The following ATG4C variants were observed in gnomAD, a reference collection of about 807,000 sequenced individuals.
ATG4C encodes the protein cysteine protease ATG4C.
In ATG4C, 56 loss-of-function variants were observed where a neutral mutation model predicts 57.6. The ratio of observed to expected loss-of-function variants is 0.97; its 90% CI spans 0.78 to 1.21. ATG4C has a LOEUF of 1.21. Ranked by LOEUF, ATG4C falls within the 50% of genes most tolerant of loss-of-function variation. The probability of loss-of-function intolerance (pLI) is 0.00; values close to 1 mark genes in which losing one functional copy is unlikely to be tolerated. For synonymous variants in ATG4C, 157 were observed against 174.1 expected, an observed-to-expected ratio of 0.90 and a Z score of 0.78; for missense variants, 595 against 529.8, an observed-to-expected ratio of 1.12 and a Z score of -1.21.
intron 3 of ATG4C, among the ~76,000 whole-genome samples, chr1:62,808,932 T>A (rs551298852): frequency 6.6e-6 from 1 of 151,884 alleles, no homozygotes; most frequent in Non-Finnish European, 1.5e-5. Flanking sequence ...AGAGAAAAAC[T>A]TATTTTTTAG....
intron 1 of ATG4C, among the ~76,000 whole-genome samples, chr1:62,793,563 C>G (rs1245775525): frequency 7.6e-6 from 1 of 131,964 alleles, no homozygotes; most frequent in Non-Finnish European, 1.6e-5. Flanking sequence ...TGGCACTGCA[C>G]TCCAGCCTGG....
chr1:62,825,118 C>T (rs1665605421), intron 6 of ATG4C, among the ~76,000 whole-genome samples: 1 of 151,896 alleles, frequency 6.6e-6, no homozygotes, highest in South Asian at 2.1e-4. Context: ...TATCTGTAGT[C>T]CCAGCTACTC....
At position 62,807,131 on chromosome 1, in the gene ATG4C, A is replaced by G. The variant is rs1664907485; in HGVS notation, c.160+1876A>G. ...TGCCCAGAAGGAGCACATCAAAATA[A>G]TAACTGAATATATGCTTGTGAAATC... On this transcript the variant is annotated intron_variant, in intron 3 of 10. Coordinates refer to ENST00000317868, the MANE Select transcript of ATG4C (RefSeq NM_032852.4). Among the ~76,000 whole-genome samples the G allele has an allele frequency of 3.3e-5, 5 of 152,362 alleles. No homozygotes were observed. In the South Asian group the frequency reaches 8.3e-4, roughly 25 times the overall value.
chr1:62,840,250 G>A (rs1666127674), intron 9 of ATG4C, among the ~76,000 whole-genome samples: 1 of 152,012 alleles, frequency 6.6e-6, no homozygotes, highest in South Asian at 2.1e-4. Flanking sequence ...AAAACTTCTG[G>A]GCTCAAGCAG....
chr1:62,844,900 A>G (rs1040907695), intron 10 of ATG4C, among the ~76,000 whole-genome samples: 2 of 152,106 alleles, frequency 1.3e-5, no homozygotes, highest in African/African-American at 4.8e-5. Context: ...GTAACCGTAC[A>G]TGTTGATCTA....
chr1:62,864,200 A>G lies in ATG4C; in HGVS notation c.*41A>G, dbSNP rs1239179270. The stretch of plus-strand genomic sequence containing the variant: ...TGCTTGATAAGAAGAATTCCATTGA[A>G]AGGGGAAAAATGAAGAGAAACAAGT... On this transcript the variant is annotated 3_prime_UTR_variant, in exon 11 of 11. Transcript: ENST00000317868. 6.6e-7 allele frequency: 1 copy of G among 1,508,366 alleles called. No homozygotes were observed. Among genetic ancestry groups the G allele is most frequent in the South Asian group, 1.3e-5 (1 of 78,394 alleles). The allele number at this position is 1,508,366 out of a possible 1,614,324, so 93.4% of individuals were successfully genotyped here. A position where few individuals can be genotyped will look rare whatever the true frequency, so the allele number is the denominator to read the frequency against.
At chr1:62,785,180 T>C (rs1310471627) in intron 1 of ATG4C, 2 of 152,262 alleles carry the variant, frequency 1.3e-5, no homozygotes, top group Non-Finnish European at 2.9e-5. Flanking sequence ...GACAAGGGAA[T>C]GATCTTCTTG....
At chr1:62,824,065 A>G (rs1210564904) in intron 6 of ATG4C, among the ~76,000 whole-genome samples, 1 of 152,174 alleles carries the variant, frequency 6.6e-6, no homozygotes, top group African/African-American at 2.4e-5. Flanking sequence ...AGGTATCAGA[A>G]TCATTTGGTT....
chr1:62,841,520 C>T lies in ATG4C; in HGVS notation c.1182C>T (p.Phe394=), dbSNP rs750119001. 20 of 1,593,382 alleles carry T rather than the reference C, an allele frequency of 1.3e-5. No homozygotes were observed. Among genetic ancestry groups the T allele is most frequent in the Non-Finnish European group, 1.5e-5 (17 of 1,169,658 alleles). Residue 394 remains phenylalanine, a synonymous_variant, in exon 10 of 11, where the codon TTC becomes TTT. Coordinates refer to ENST00000317868, the MANE Select transcript of ATG4C (RefSeq NM_032852.4). ...TTTACTGTCGAAATGTTCAGGACTT[C>T]AAACGAGCTTCTGAAGAAATCACCA... ...IGFYCRNVQD[F]KRASEEITKM...
intron 1 of ATG4C, among the ~76,000 whole-genome samples, chr1:62,792,572 A>G (rs1313671805): frequency 6.6e-6 from 1 of 152,252 alleles, no homozygotes; most frequent in Non-Finnish European, 1.5e-5. Flanking sequence ...CTAGTTGTTT[A>G]AAATTAGCAG....
intron 1 of ATG4C, among the ~76,000 whole-genome samples, chr1:62,800,290 A>T (rs74078303): frequency 0.02 from 3,097 of 152,264 alleles, 108 homozygotes; most frequent in African/African-American, 0.071. Flanking sequence ...TTTAAAAATA[A>T]TTTTTTTAAA....
intron 9 of ATG4C, among the ~76,000 whole-genome samples, chr1:62,840,834 A>G (rs1330111565): frequency 6.6e-6 from 1 of 152,188 alleles, no homozygotes; most frequent in African/African-American, 2.4e-5. Flanking sequence ...GAATGGTTTC[A>G]CCTGTTCCAG....
chr1:62,844,522 G>A (rs1401332778), intron 10 of ATG4C, among the ~76,000 whole-genome samples: 1 of 152,130 alleles, frequency 6.6e-6, no homozygotes, highest in Non-Finnish European at 1.5e-5. Context: ...ATACTATGGA[G>A]AGTCTTGAAT....
intron 6 of ATG4C, among the ~76,000 whole-genome samples, chr1:62,821,455 G>A (rs557229180): frequency 3.9e-5 from 6 of 152,184 alleles, no homozygotes; most frequent in South Asian, 2.1e-4. Flanking sequence ...TACTTTAAAA[G>A]TGATAGGCAG....
chr1:62,789,831 A>C (rs1313223160), intron 1 of ATG4C, among the ~76,000 whole-genome samples: 1 of 152,076 alleles, frequency 6.6e-6, no homozygotes, highest in Admixed American at 6.5e-5. Flanking sequence ...AAAAAGAAAT[A>C]AAAGAAATGA....
chr1:62,818,171 A>G (rs1665347079), intron 4 of ATG4C, among the ~76,000 whole-genome samples: 1 of 152,100 alleles, frequency 6.6e-6, no homozygotes, highest in Admixed American at 6.6e-5. Context: ...AAGGTCTTTG[A>G]TCTTTTATGA....
chr1:62,819,193 G>GTT lies in ATG4C; in HGVS notation c.585_586dup (p.Tyr196PhefsTer23). 6.2e-7 allele frequency: 1 copy of GTT among 1,613,582 alleles called. No individual in the cohort carries two copies. Among genetic ancestry groups the GTT allele is most frequent in the Non-Finnish European group, 8.5e-7 (1 of 1,179,710 alleles). ...TGATGATCATGAAATGCGAAATGAA[G>GTT]TTTATCATAGGAAAATCATCTCTTG... On this transcript the variant is annotated frameshift_variant, in exon 5 of 11. Transcript: ENST00000317868. LOFTEE classifies it high-confidence loss of function.
chr1:62,834,312 G>A (rs549095685), intron 8 of ATG4C, among the ~76,000 whole-genome samples, 196 bp downstream of exon 8: 4 of 152,110 alleles, frequency 2.6e-5, no homozygotes, highest in African/African-American at 9.6e-5. Context: ...TTTAATTTCT[G>A]TTACTGCATA....
rs183432640 is a variant in ATG4C, at chr1:62,796,319, G to T, written c.-68-7400G>T. 2.0e-3 allele frequency among the ~76,000 whole-genome samples: 287 copies of T among 143,608 alleles called. 1 individual carries two copies. Among genetic ancestry groups the T allele is most frequent in the Middle Eastern group, 0.016 (4 of 250 alleles). 94.2% of individuals were successfully genotyped at this position (143,608 alleles called of 152,430 possible). ...AAATAAAATATTTTAATAGAACAAA[G>T]CATTAATTTATTACTTTTTCTCTTT... is the stretch of plus-strand genomic sequence containing the variant. On this transcript the variant is annotated intron_variant, in intron 1 of 10. Coordinates refer to ENST00000317868, the MANE Select transcript of ATG4C (RefSeq NM_032852.4).
Sources: allele counts gnomAD v4.1 joint callset (sites outside exome capture counted in the v4.1 genomes callset), GRCh38; gene constraint gnomAD v4.1.1; transcripts MANE v1.5; gene names NCBI Gene and HGNC (gene_info 2026-07-23, HGNC 2026-07-21).